The following ASIC2 variants were observed in gnomAD, a reference collection of about 807,000 sequenced individuals.
ASIC2 encodes the protein acid-sensing ion channel 2.
In ASIC2, 25 loss-of-function variants were observed where a neutral mutation model predicts 57.3. The ratio of observed to expected loss-of-function variants is 0.44; its 90% confidence interval spans 0.32 to 0.61. The LOEUF (loss-of-function observed/expected upper bound fraction) is 0.61. Among genes scored for constraint, ASIC2 ranks in the 20% least tolerant of loss-of-function variants. ASIC2 has a pLI of 0.06. For synonymous variants in ASIC2, 319 were observed against 307.5 expected (o/e 1.04, Z -0.39); for missense variants, 641 against 738.1 (o/e 0.87, Z 1.52).
intron 3 of ASIC2, among the ~76,000 whole-genome samples, chr17:33,033,476 G>T (rs115545827): frequency 0.014 from 2,116 of 152,290 alleles, 37 homozygotes; most frequent in African/African-American, 0.048. Flanking sequence ...GAGCTCCCAG[G>T]TACAGCTGCA....
intron 1 of ASIC2, among the ~76,000 whole-genome samples, chr17:34,099,136 GAGAGAGAGAC>G (rs1242990644): frequency 1.5e-3 from 51 of 33,456 alleles, no homozygotes; most frequent in African/African-American, 4.7e-3. Context: ...GAGAGAGAGA[GAGAGAGAGAC>G]AGAGAGAGAG....
chr17:33,928,336 T>TG (rs1567758656), intron 1 of ASIC2, among the ~76,000 whole-genome samples: 1 of 152,082 alleles, frequency 6.6e-6, no homozygotes, highest in Non-Finnish European at 1.5e-5. Flanking sequence ...CTCTGCAGCG[T>TG]GGGGGGCAGG....
chr17:33,836,055 A>G (rs1377762098), intron 1 of ASIC2, among the ~76,000 whole-genome samples: 1 of 141,816 alleles, frequency 7.1e-6, no homozygotes, highest in East Asian at 2.0e-4. Context: ...TATGTATATC[A>G]TATATTATAT....
chr17:33,266,795 A>G (rs982219296), intron 1 of ASIC2, among the ~76,000 whole-genome samples: 1 of 152,188 alleles, frequency 6.6e-6, no homozygotes, highest in Non-Finnish European at 1.5e-5. Context: ...GCAGATGTCA[A>G]GAAAGGCAGG....
At chr17:33,097,470 C>G (rs1252850175) in intron 2 of ASIC2, among the ~76,000 whole-genome samples, 2 of 152,206 alleles carry the variant, frequency 1.3e-5, no homozygotes, top group Non-Finnish European at 2.9e-5. Flanking sequence ...ATTTTGGAGC[C>G]AGGAGACCCC....
At chr17:34,110,257 C>T (rs963033863) in intron 1 of ASIC2, among the ~76,000 whole-genome samples, 1 of 152,174 alleles carries the variant, frequency 6.6e-6, no homozygotes, top group African/African-American at 2.4e-5. Flanking sequence ...TCAAGTCAGC[C>T]CCAGCAACCA....
chr17:33,433,254 A>G (rs1911481202), intron 1 of ASIC2, among the ~76,000 whole-genome samples: 1 of 152,244 alleles, frequency 6.6e-6, no homozygotes, highest in South Asian at 2.1e-4. Context: ...TTGCAGGAAC[A>G]TGGATGGAGC....
chr17:33,612,522 G>A (rs930281346), intron 1 of ASIC2, among the ~76,000 whole-genome samples: 3 of 152,194 alleles, frequency 2.0e-5, no homozygotes, highest in African/African-American at 7.2e-5. Flanking sequence ...TTCCTGCTTG[G>A]AGCAGAGAGT....
At chr17:33,350,234 T>C (rs916248437) in intron 1 of ASIC2, among the ~76,000 whole-genome samples, 33 of 152,204 alleles carry the variant, frequency 2.2e-4, no homozygotes, top group African/African-American at 8.0e-4. Flanking sequence ...GTGGCATGTG[T>C]CTATGCCTTG....
rs917345530 is a variant in ASIC2 at position 33,422,768 on chromosome 17, T to C, written c.556-310701A>G. On this transcript the variant is annotated intron_variant, in intron 1 of 9. Transcript: ENST00000359872. ...ACCAGGATCTAATCAACTGTTTGCA[T>C]GCTAATCTCCAGCCCAGACTCAACC... 2.6e-4 allele frequency among the ~76,000 whole-genome samples: 40 copies of C among 152,184 alleles called. 2 individuals are homozygous for C.
At chr17:33,521,970 C>T (rs1183084879) in intron 1 of ASIC2, among the ~76,000 whole-genome samples, 2 of 152,148 alleles carry the variant, frequency 1.3e-5, no homozygotes, top group African/African-American at 2.4e-5. Flanking sequence ...GTGGTTCAGC[C>T]AGGGCTAGGG....
chr17:33,049,869 T>G (rs558588636), intron 3 of ASIC2, among the ~76,000 whole-genome samples: 2 of 152,200 alleles, frequency 1.3e-5, no homozygotes, highest in South Asian at 4.2e-4. Flanking sequence ...CCCATGCCCC[T>G]CACCATTTTG....
At chr17:33,859,982 C>G (rs1256639679) in intron 1 of ASIC2, among the ~76,000 whole-genome samples, 1 of 152,144 alleles carries the variant, frequency 6.6e-6, no homozygotes, top group Non-Finnish European at 1.5e-5. Context: ...CCACACCGAG[C>G]AGCCTTTTTT....
intron 1 of ASIC2, among the ~76,000 whole-genome samples, chr17:33,262,418 G>T (rs1372179494): frequency 6.6e-6 from 1 of 151,110 alleles, no homozygotes; most frequent in African/African-American, 2.4e-5. Context: ...GAGAAGGAGG[G>T]AAGGAGAGGA....
At chr17:33,555,843 T>C (rs1915891962) in intron 1 of ASIC2, among the ~76,000 whole-genome samples, 1 of 152,098 alleles carries the variant, frequency 6.6e-6, no homozygotes, top group South Asian at 2.1e-4. Context: ...TTTCAAGGGA[T>C]ACAGGGACTC....
intron 3 of ASIC2, among the ~76,000 whole-genome samples, chr17:33,082,727 A>AATAC: frequency 6.6e-6 from 1 of 151,582 alleles, no homozygotes; most frequent in Middle Eastern, 3.4e-3. Context: ...TAAATAAATA[A>AATAC]ATAAATAAAT....
intron 1 of ASIC2, among the ~76,000 whole-genome samples, chr17:33,842,388 A>G (rs918927167): frequency 2.0e-5 from 3 of 152,166 alleles, no homozygotes; most frequent in Non-Finnish European, 4.4e-5. Flanking sequence ...CATCTACCAT[A>G]CAGGGTCATT....
intron 1 of ASIC2, among the ~76,000 whole-genome samples, chr17:33,710,242 AG>A (rs1908985645): frequency 6.6e-6 from 1 of 152,232 alleles, no homozygotes; most frequent in African/African-American, 2.4e-5. Flanking sequence ...TTCCCACCAC[AG>A]GTAAAGAAGC....
chr17:33,953,895 A>C (rs1904656276), intron 1 of ASIC2, among the ~76,000 whole-genome samples: 1 of 152,162 alleles, frequency 6.6e-6, no homozygotes, highest in Non-Finnish European at 1.5e-5. Context: ...AGAGCTCTGA[A>C]TGTGAGGCTT....
Sources: gnomAD v4.1 joint callset for allele counts (sites outside exome capture counted in the v4.1 genomes callset) on GRCh38, gnomAD v4.1.1 for gene constraint, MANE v1.5 for transcripts, NCBI Gene and HGNC (gene_info 2026-07-23, HGNC 2026-07-21) for gene names.